Variants in PLXDC2 observed in about 807,000 individuals in gnomAD.
The protein encoded by PLXDC2 is plexin domain containing 2, also known as plexin domain-containing protein 2.
PLXDC2 carries 40 observed loss-of-function variants against 68.9 expected under a neutral mutation model. The ratio of observed to expected loss-of-function variants is 0.58; its 90% CI spans 0.45 to 0.76. The LOEUF is 0.76. PLXDC2 is among the 30% of genes least tolerant of loss of function. The pLI, the probability that PLXDC2 is intolerant of heterozygous loss-of-function variation, is 0.00. For synonymous variants in PLXDC2, 243 were observed against 234.2 expected, an observed-to-expected ratio of 1.04 and a Z score of -0.34; for missense variants, 644 against 661.9, an observed-to-expected ratio of 0.97 and a Z score of 0.30.
chr10:19,846,949 G>A (rs908064603), intron 1 of PLXDC2, among the ~76,000 whole-genome samples: 1 of 152,158 alleles, frequency 6.6e-6, no homozygotes, highest in African/African-American at 2.4e-5. Context: ...CAGCGGGCAA[G>A]AGAGAGCGTG....
chr10:20,068,235 C>G lies in PLXDC2; in HGVS notation c.537C>G (p.Thr179=), dbSNP rs143842350. The change falls in exon 4 of 14, where the codon ACC becomes ACG. Residue 179 remains threonine (T), a synonymous_variant. Transcript: ENST00000377252. The stretch of plus-strand genomic sequence containing the variant: ...TCCTACGTGAAATCACTGTGGCAAC[C>G]GGGGGTAAGTGGTTTTCTACCCATT... ...GHFLREITVA[T]GGFIYTGEVV... The G allele has an allele frequency of 1.9e-6, 3 of 1,610,888 alleles. No homozygotes were observed. Among genetic ancestry groups the G allele is most frequent in the Non-Finnish European group, 1.7e-6 (2 of 1,177,688 alleles).
chr10:20,268,745 G>C (rs1356030366), intron 13 of PLXDC2, among the ~76,000 whole-genome samples: 2 of 152,194 alleles, frequency 1.3e-5, no homozygotes, highest in Non-Finnish European at 2.9e-5. Flanking sequence ...CCAGTCTGTT[G>C]TAGGGAGGCA....
chr10:20,245,050 G>A (rs1041693631), intron 12 of PLXDC2, among the ~76,000 whole-genome samples: 12 of 152,180 alleles, frequency 7.9e-5, no homozygotes, highest in Admixed American at 2.6e-4. Flanking sequence ...GGAGGCAGAG[G>A]TTGCAGTGAG....
chr10:20,131,360 T>C (rs1006043327), intron 4 of PLXDC2, among the ~76,000 whole-genome samples: 10 of 152,098 alleles, frequency 6.6e-5, no homozygotes, highest in Non-Finnish European at 1.2e-4. Flanking sequence ...TGATATTTTA[T>C]ATTTATATGG....
intron 4 of PLXDC2, among the ~76,000 whole-genome samples, chr10:20,097,270 T>C (rs1208177370): frequency 6.6e-6 from 1 of 152,184 alleles, no homozygotes; most frequent in Non-Finnish European, 1.5e-5. Flanking sequence ...CAGGTGGTCT[T>C]CACAGCTAGT....
chr10:20,238,209 C>G (rs921526200), intron 12 of PLXDC2, among the ~76,000 whole-genome samples: 15 of 149,954 alleles, frequency 1.0e-4, no homozygotes, highest in Non-Finnish European at 5.9e-5. Flanking sequence ...TTCCTTCCTT[C>G]CTCCTATCTT....
rs1156416511 is a variant in PLXDC2 at position 19,908,403 on chromosome 10, C to T, written c.112+91212C>T. Among the ~76,000 whole-genome samples the T allele has an allele frequency of 2.0e-5, 3 of 152,164 alleles. No individual in the cohort carries two copies. In the East Asian group the frequency reaches 5.8e-4, roughly 29 times the overall value. On this transcript the variant is annotated intron_variant, in intron 1 of 13. Transcript: ENST00000377252. Reference sequence around the variant, plus strand: ...TTGATCAAAATATCACAAGTATTTTCTGTTTTCTGATAAGCAGTTATTAAA... The same window carrying T: ...TTGATCAAAATATCACAAGTATTTTTTGTTTTCTGATAAGCAGTTATTAAA...
chr10:19,886,240 T>G (rs574510235), intron 1 of PLXDC2, among the ~76,000 whole-genome samples: 10 of 152,332 alleles, frequency 6.6e-5, no homozygotes, highest in Admixed American at 6.5e-4. Context: ...CTTATCAGCT[T>G]AAGGAGATTT....
intron 4 of PLXDC2, among the ~76,000 whole-genome samples, chr10:20,127,312 A>T (rs987225894): frequency 1.3e-5 from 2 of 152,192 alleles, no homozygotes; most frequent in Non-Finnish European, 2.9e-5. Context: ...AAATTCAGAG[A>T]TGAGATCTTT....
At chr10:20,060,752 A>G (rs1836088191) in intron 3 of PLXDC2, among the ~76,000 whole-genome samples, 1 of 152,218 alleles carries the variant, frequency 6.6e-6, no homozygotes, top group Non-Finnish European at 1.5e-5. Context: ...TAAATTTTAG[A>G]GAAAATTATG....
intron 4 of PLXDC2, among the ~76,000 whole-genome samples, chr10:20,136,665 C>A (rs1206166781): frequency 6.6e-6 from 1 of 152,176 alleles, no homozygotes; most frequent in East Asian, 1.9e-4. Context: ...GTAGAGATAA[C>A]AGTACATAAC....
intron 13 of PLXDC2, among the ~76,000 whole-genome samples, chr10:20,245,707 T>A (rs1382949641): frequency 6.6e-6 from 1 of 152,222 alleles, no homozygotes; most frequent in Non-Finnish European, 1.5e-5. Flanking sequence ...TCAGTTACCT[T>A]ATCTCAGGAG....
intron 1 of PLXDC2, among the ~76,000 whole-genome samples, chr10:19,852,546 T>C (rs1837141299): frequency 1.4e-5 from 2 of 139,782 alleles, no homozygotes; most frequent in South Asian, 4.6e-4. Flanking sequence ...CACTGAAAAA[T>C]GAGAAATACA....
intron 1 of PLXDC2, among the ~76,000 whole-genome samples, chr10:19,891,738 G>A (rs907104933): frequency 1.1e-4 from 16 of 152,132 alleles, no homozygotes; most frequent in African/African-American, 3.4e-4. Context: ...GATTAATTTC[G>A]TTTAGCTGTT....
intron 1 of PLXDC2, among the ~76,000 whole-genome samples, chr10:19,903,545 A>T (rs2131369038): frequency 6.6e-6 from 1 of 151,518 alleles, no homozygotes; most frequent in South Asian, 2.1e-4. Context: ...TTTCTAATTG[A>T]GCTTATTTGG....
At chr10:19,886,606 GA>G (rs1192690811) in intron 1 of PLXDC2, among the ~76,000 whole-genome samples, 1 of 152,094 alleles carries the variant, frequency 6.6e-6, no homozygotes, top group African/African-American at 2.4e-5. Flanking sequence ...AATAAATTAG[GA>G]ATTGATGGGA....
chr10:20,024,560 C>T (rs1218784286), intron 2 of PLXDC2, among the ~76,000 whole-genome samples: 1 of 152,068 alleles, frequency 6.6e-6, no homozygotes, highest in Non-Finnish European at 1.5e-5. Flanking sequence ...CCAAGGATAA[C>T]TTTTGTTCTT....
intron 1 of PLXDC2, among the ~76,000 whole-genome samples, chr10:19,902,384 G>A (rs1199760542): frequency 6.6e-6 from 1 of 151,968 alleles, no homozygotes; most frequent in Middle Eastern, 3.2e-3. Context: ...AGAGGTCTTT[G>A]ACCTCCTTGG....
At chr10:19,975,230 G>A (rs575785701) in intron 1 of PLXDC2, among the ~76,000 whole-genome samples, 12 of 152,160 alleles carry the variant, frequency 7.9e-5, no homozygotes, top group East Asian at 1.9e-4. Flanking sequence ...TGAGGCGGGC[G>A]GATCACGAGG....
Sources: gnomAD v4.1 joint callset for allele counts (sites outside exome capture counted in the v4.1 genomes callset) on GRCh38, gnomAD v4.1.1 for gene constraint, MANE v1.5 for transcripts, NCBI Gene and HGNC (gene_info 2026-07-23, HGNC 2026-07-21) for gene names.